SIL1: variants seen among roughly 807,000 people sequenced by gnomAD.
The protein encoded by SIL1 is SIL1 nucleotide exchange factor.
Under a neutral mutation model 49.1 loss-of-function variants are expected in SIL1, and 40 were observed. That is an observed-to-expected ratio of 0.81 (90% CI 0.63 to 1.06). The LOEUF (loss-of-function observed/expected upper bound fraction) is 1.06, where lower values mean the gene tolerates loss of function less well. Among genes scored for constraint, SIL1 ranks in the 50% least tolerant of loss-of-function variants. The pLI is 0.00. For synonymous variants in SIL1, 253 were observed against 250.8 expected (o/e 1.01, Z -0.08); for missense variants, 500 against 572.6 (o/e 0.87, Z 1.29).
chr5:139,174,730 G>C (rs1197171317), intron 1 of SIL1, among the ~76,000 whole-genome samples: 3 of 151,754 alleles, frequency 2.0e-5, no homozygotes, highest in African/African-American at 7.3e-5. Context: ...CTGAGGTCAG[G>C]AGTTCAAGAC....
intron 1 of SIL1, among the ~76,000 whole-genome samples, chr5:139,166,135 G>A (rs986721274): frequency 1.3e-5 from 2 of 152,138 alleles, no homozygotes; most frequent in African/African-American, 4.8e-5. Context: ...ATTTTACAGA[G>A]TCTAACTCTT....
intron 1 of SIL1, among the ~76,000 whole-genome samples, chr5:139,144,056 G>A (rs1005416258): frequency 4.0e-4 from 61 of 152,280 alleles, no homozygotes; most frequent in African/African-American, 1.3e-3. Flanking sequence ...CAGATGCAAC[G>A]CAATCCCTTT....
intron 1 of SIL1, among the ~76,000 whole-genome samples, chr5:139,159,104 G>GAAA (rs1751458742): frequency 6.9e-6 from 1 of 144,164 alleles, no homozygotes; most frequent in Non-Finnish European, 1.5e-5. Context: ...AGAGAGAGAG[G>GAAA]GAAAAAAAAA....
chr5:139,163,961 A>G (rs1351644729), intron 1 of SIL1, among the ~76,000 whole-genome samples: 2 of 152,104 alleles, frequency 1.3e-5, no homozygotes, highest in Non-Finnish European at 2.9e-5. Context: ...TCTACTAAAA[A>G]TACAAACATT....
chr5:138,962,933 A>C (rs1387582226), intron 7 of SIL1, among the ~76,000 whole-genome samples: 3 of 152,236 alleles, frequency 2.0e-5, no homozygotes, highest in Non-Finnish European at 2.9e-5. Flanking sequence ...TGCAGCCTCT[A>C]ATTATTCAAA....
chr5:139,039,910 G>T (rs1219375995), intron 5 of SIL1, among the ~76,000 whole-genome samples: 2 of 152,144 alleles, frequency 1.3e-5, no homozygotes, highest in African/African-American at 4.8e-5. Flanking sequence ...GGGAGAGACA[G>T]CTTTTCCAAG....
intron 1 of SIL1, among the ~76,000 whole-genome samples, chr5:139,130,671 T>C (rs1561873952): frequency 6.6e-6 from 1 of 152,190 alleles, no homozygotes; most frequent in Admixed American, 6.5e-5. Flanking sequence ...AACAGATATA[T>C]GTACATCAAT....
chr5:139,112,261 C>G (rs566899650), intron 3 of SIL1, among the ~76,000 whole-genome samples: 188 of 152,276 alleles, frequency 1.2e-3, no homozygotes, highest in African/African-American at 4.2e-3. Flanking sequence ...TCTGCCCGGC[C>G]GCCACCCCGT....
intron 1 of SIL1, among the ~76,000 whole-genome samples, chr5:139,197,234 C>T (rs560956968): frequency 7.3e-6 from 1 of 137,002 alleles, no homozygotes; most frequent in Non-Finnish European, 1.5e-5. Context: ...CACCATTGCA[C>T]TCCAGCCTGA....
intron 1 of SIL1, among the ~76,000 whole-genome samples, chr5:139,171,695 A>G (rs1282204946): frequency 6.6e-6 from 1 of 151,662 alleles, no homozygotes; most frequent in East Asian, 1.9e-4. Flanking sequence ...AAGAATGATC[A>G]ATAAAAAAAA....
At position 138,998,116 on chromosome 5, in the gene SIL1, T is replaced by C. The variant is rs116752348; in HGVS notation, c.767+23055A>G. On this transcript the variant is annotated intron_variant, in intron 7 of 9. Transcript: ENST00000394817. ...CACGGAAACTTTCCATTTTTGTGTG[T>C]CCTGTATTAAACTCTTTATGCTGCT... 5.0e-3 allele frequency among the ~76,000 whole-genome samples: 763 copies of C among 152,316 alleles called. 7 individuals carry two copies. Among genetic ancestry groups the C allele is most frequent in the African/African-American group, 0.017 (706 of 41,574 alleles).
chr5:139,043,334 G>C (rs1189343507), intron 4 of SIL1, among the ~76,000 whole-genome samples: 1 of 152,224 alleles, frequency 6.6e-6, no homozygotes. Context: ...GGACCTCTCA[G>C]AGGGAAGTGG....
intron 2 of SIL1, among the ~76,000 whole-genome samples, chr5:139,126,709 C>T (rs1203543978): frequency 6.6e-6 from 1 of 152,130 alleles, no homozygotes; most frequent in African/African-American, 2.4e-5. Context: ...CCCTGCTCCA[C>T]GAAGTGGGGG....
In SIL1 at chr5:139,112,715, G is replaced by A. The variant is rs1156371766; in HGVS notation, c.244+8320C>T. Among the ~76,000 whole-genome samples the A allele has an allele frequency of 5.3e-5, 8 of 151,408 alleles. No individual in the cohort carries two copies. The East Asian group carries it at 1.6e-3, about 30-fold the overall frequency. ...TCCGCCCGGCCGCCGCCCCGTGCGG[G>A]AGGTGGGGGGCGCCTCTGCCCGGCC... On this transcript the variant is annotated intron_variant, in intron 3 of 9. Transcript: ENST00000394817.
intron 1 of SIL1, among the ~76,000 whole-genome samples, chr5:139,161,563 ACT>A (rs1362309549): frequency 3.3e-5 from 5 of 152,024 alleles, no homozygotes; most frequent in African/African-American, 1.2e-4. Flanking sequence ...TGTTCTAGAC[ACT>A]CTCTCTTTCT....
At chr5:139,149,325 A>G (rs1751254097) in intron 1 of SIL1, among the ~76,000 whole-genome samples, 1 of 152,212 alleles carries the variant, frequency 6.6e-6, no homozygotes. Flanking sequence ...GCTCTACGAA[A>G]AGATGAATAA....
chr5:138,987,521 T>C (rs901511833), intron 7 of SIL1, among the ~76,000 whole-genome samples: 1 of 152,256 alleles, frequency 6.6e-6, no homozygotes, highest in African/African-American at 2.4e-5. Context: ...CACCATATTC[T>C]TTTCAATGTG....
chr5:139,180,252 G>A (rs767042621), intron 1 of SIL1, among the ~76,000 whole-genome samples: 7 of 151,456 alleles, frequency 4.6e-5, no homozygotes, highest in Non-Finnish European at 8.8e-5. Flanking sequence ...ATAGTGGTGT[G>A]CACCTGTAAT....
chr5:139,019,659 C>T (rs1167797042), intron 7 of SIL1, among the ~76,000 whole-genome samples: 7 of 152,148 alleles, frequency 4.6e-5, no homozygotes, highest in South Asian at 4.2e-4. Flanking sequence ...GCAGGCCCAA[C>T]GCATGTTTCT....
Sources: allele counts gnomAD v4.1 joint callset (sites outside exome capture counted in the v4.1 genomes callset), GRCh38; gene constraint gnomAD v4.1.1; transcripts MANE v1.5; gene names NCBI Gene and HGNC (gene_info 2026-07-23, HGNC 2026-07-21).